The following SLC1A1 variants were observed in gnomAD, a reference collection of about 807,000 sequenced individuals.
SLC1A1 encodes excitatory amino acid transporter 3.
In SLC1A1, 43 loss-of-function variants were observed where a neutral mutation model predicts 53.3. The observed-to-expected ratio is 0.81, with a 90% confidence interval of 0.63 to 1.04. SLC1A1 has a LOEUF of 1.04. Ranked by LOEUF, SLC1A1 falls within the 50% of genes least tolerant of loss-of-function variation. The pLI is 0.00. For synonymous variants in SLC1A1, 307 were observed against 243.2 expected, an observed-to-expected ratio of 1.26 and a Z score of -2.44; for missense variants, 748 against 664.9, an observed-to-expected ratio of 1.12 and a Z score of -1.37.
intron 1 of SLC1A1, among the ~76,000 whole-genome samples, chr9:4,542,860 G>C (rs879480478): frequency 6.6e-6 from 1 of 152,170 alleles, no homozygotes; most frequent in Non-Finnish European, 1.5e-5. Context: ...ATTGATAATA[G>C]AGTTTTGTTT....
intron 2 of SLC1A1, among the ~76,000 whole-genome samples, chr9:4,545,154 T>C (rs574622437): frequency 6.8e-6 from 1 of 146,166 alleles, no homozygotes; most frequent in African/African-American, 2.5e-5. Context: ...AAGTTGTTCT[T>C]TTCTAATTAC....
At chr9:4,498,376 T>C (rs1270471979) in intron 1 of SLC1A1, among the ~76,000 whole-genome samples, 3 of 152,182 alleles carry the variant, frequency 2.0e-5, no homozygotes, top group Admixed American at 6.5e-5. Flanking sequence ...TATATGTATG[T>C]TTTTGGACTT....
chr9:4,545,666 G>T (rs1321067812), intron 2 of SLC1A1, among the ~76,000 whole-genome samples: 1 of 152,170 alleles, frequency 6.6e-6, no homozygotes, highest in African/African-American at 2.4e-5. Context: ...CTGTGAGAAG[G>T]GTTTAAATAT....
intron 11 of SLC1A1, 149 bp from the exon 12 acceptor site, chr9:4,585,163 G>C: frequency 2.0e-6 from 2 of 999,332 alleles, no homozygotes; most frequent in South Asian, 3.0e-5. Flanking sequence ...CCCCAGGCCT[G>C]TGAGGAGCCT....
intron 1 of SLC1A1, among the ~76,000 whole-genome samples, chr9:4,507,178 T>C (rs1466901098): frequency 2.0e-5 from 3 of 151,506 alleles, no homozygotes; most frequent in Non-Finnish European, 4.4e-5. Flanking sequence ...ACCTTGCAAG[T>C]GAGCCAAAGT....
At position 4,582,655 on chromosome 9, in the gene SLC1A1, T is replaced by C. The variant is rs138822845; in HGVS notation, c.1194-383T>C. ...CAGGTGCAGAGGTACCTGGCACTTA[T>C]TTAGGATGAGTGTATGTATACATAG... On this transcript the variant is annotated intron_variant, in intron 10 of 11. Coordinates refer to ENST00000262352, the MANE Select transcript of SLC1A1 (RefSeq NM_004170.6). Among the ~76,000 whole-genome samples, 11 of 152,310 alleles carry C rather than the reference T, an allele frequency of 7.2e-5. No individual in the cohort carries two copies. The East Asian group carries it at 2.1e-3, about 29-fold the overall frequency.
At chr9:4,519,087 C>G (rs1815972586) in intron 1 of SLC1A1, among the ~76,000 whole-genome samples, 1 of 152,158 alleles carries the variant, frequency 6.6e-6, no homozygotes, top group Admixed American at 6.5e-5. Flanking sequence ...GTTTGCAGGA[C>G]TGTTTATTAG....
chr9:4,526,526 TG>T (rs1210456832), intron 1 of SLC1A1, among the ~76,000 whole-genome samples: 1 of 152,160 alleles, frequency 6.6e-6, no homozygotes, highest in Non-Finnish European at 1.5e-5. Context: ...AAGATGGAAT[TG>T]GGGAGGATGC....
At chr9:4,567,410 G>A (rs541632980) in intron 5 of SLC1A1, among the ~76,000 whole-genome samples, 9 of 152,254 alleles carry the variant, frequency 5.9e-5, no homozygotes, top group East Asian at 1.9e-4. Flanking sequence ...TCAACTTGTC[G>A]TTTATTGTGA....
intron 3 of SLC1A1, among the ~76,000 whole-genome samples, chr9:4,564,001 G>T (rs985740586): frequency 3.3e-5 from 5 of 152,118 alleles, no homozygotes; most frequent in African/African-American, 1.2e-4. Flanking sequence ...ACCTTCCTAG[G>T]CTGGTCTCAT....
chr9:4,507,385 CTGT>C (rs767998806), intron 1 of SLC1A1, among the ~76,000 whole-genome samples: 2 of 152,174 alleles, frequency 1.3e-5, no homozygotes, highest in Non-Finnish European at 2.9e-5. Context: ...ATGTAATCCA[CTGT>C]TGTTATTAAA....
At chr9:4,562,931 A>G (rs1326142818) in intron 3 of SLC1A1, among the ~76,000 whole-genome samples, 1 of 133,680 alleles carries the variant, frequency 7.5e-6, no homozygotes, top group South Asian at 2.4e-4. Context: ...GATCACATGG[A>G]CACAGGAAGG....
chr9:4,584,501 T>C (rs1735030207), intron 11 of SLC1A1, among the ~76,000 whole-genome samples: 1 of 152,214 alleles, frequency 6.6e-6, no homozygotes, highest in Non-Finnish European at 1.5e-5. Context: ...GTTCAATCCC[T>C]GGACTTGTTC....
At chr9:4,516,449 T>G (rs1821163716) in intron 1 of SLC1A1, among the ~76,000 whole-genome samples, 1 of 152,246 alleles carries the variant, frequency 6.6e-6, no homozygotes, top group South Asian at 2.1e-4. Context: ...TACTCCCTTT[T>G]ACCCAAAGTC....
In SLC1A1 at chr9:4,586,163, T is replaced by C. The variant is rs1821555717; in HGVS notation, c.*605T>C. ...AAAGGGAGAAGGATTCTTTTTTCAA[T>C]GTACTGTATTGGGACGCTGGTAACT... is the stretch of plus-strand genomic sequence containing the variant. On this transcript the variant is annotated 3_prime_UTR_variant, in exon 12 of 12. Transcript: ENST00000262352. 6.2e-6 allele frequency: 1 copy of C among 160,736 alleles called. No individual in the cohort carries two copies. Among genetic ancestry groups the C allele is most frequent in the African/African-American group, 2.4e-5 (1 of 41,432 alleles). 10.0% of individuals were successfully genotyped at this position (160,736 alleles called of 1,614,324 possible). A position where few individuals can be genotyped will look rare whatever the true frequency, so the allele number is the denominator to read the frequency against.
At chr9:4,541,750 TCA>T (rs1268907355) in intron 1 of SLC1A1, among the ~76,000 whole-genome samples, 1 of 152,222 alleles carries the variant, frequency 6.6e-6, no homozygotes, top group Non-Finnish European at 1.5e-5. Flanking sequence ...TTATTTATTT[TCA>T]CAATCTTTAC....
intron 1 of SLC1A1, among the ~76,000 whole-genome samples, chr9:4,493,261 G>A (rs1388527294): frequency 2.6e-5 from 4 of 152,164 alleles, no homozygotes; most frequent in South Asian, 2.1e-4. Flanking sequence ...GACCACCCCC[G>A]ATATGCCCAT....
At chr9:4,520,202 C>T (rs552768186) in intron 1 of SLC1A1, among the ~76,000 whole-genome samples, 1 of 152,276 alleles carries the variant, frequency 6.6e-6, no homozygotes, top group South Asian at 2.1e-4. Context: ...GTGAGACTTT[C>T]AGATCTGATA....
Position 4,561,048 on chromosome 9 carries a change from A to G in SLC1A1, c.233-401A>G, listed in dbSNP as rs144113111. On this transcript the variant is annotated intron_variant, in intron 2 of 11. Coordinates refer to ENST00000262352, the MANE Select transcript of SLC1A1 (RefSeq NM_004170.6). ...AACAACAAACGATCTCAGTTCTTTGAGATAAATTTTTCCTAGATAACTGAA... is the reference window on the plus strand; with the variant it reads ...AACAACAAACGATCTCAGTTCTTTGGGATAAATTTTTCCTAGATAACTGAA... 7.8e-3 allele frequency among the ~76,000 whole-genome samples: 1,191 copies of G among 152,280 alleles called. 14 individuals are homozygous for G. The highest frequency in any genetic ancestry group is 0.027 in the African/African-American group (1,127 of 41,548).
Sources: gnomAD v4.1 joint callset for allele counts (sites outside exome capture counted in the v4.1 genomes callset) on GRCh38, gnomAD v4.1.1 for gene constraint, MANE v1.5 for transcripts, NCBI Gene and HGNC (gene_info 2026-07-23, HGNC 2026-07-21) for gene names.